Variants in FAT3 observed in about 807,000 individuals in gnomAD.
FAT3 encodes the protein protocadherin Fat 3.
FAT3 carries 95 observed loss-of-function variants against 310.2 expected under a neutral mutation model. The observed-to-expected ratio is 0.31, with a 90% CI of 0.26 to 0.36. The LOEUF is 0.36. FAT3 is among the 10% of genes least tolerant of loss of function. FAT3 has a pLI of 1.00. For missense variants in FAT3, 5,408 were observed against 5,715.6 expected, an observed-to-expected ratio of 0.95 and a Z score of 1.74; for synonymous variants, 2,314 against 2,192.9, an observed-to-expected ratio of 1.06 and a Z score of -1.54.
rs113257842 is a variant in FAT3, at chr11:92,829,998, G to GA, written c.9482-1614dup. Among the ~76,000 whole-genome samples the GA allele has an allele frequency of 1.4e-3, 216 of 149,104 alleles. No homozygotes were observed. In the Middle Eastern group the frequency reaches 0.017, roughly 12 times the overall value. On this transcript the variant is annotated intron_variant, in intron 13 of 27. Coordinates refer to ENST00000525166, the MANE Select transcript of FAT3 (RefSeq NM_001367949.2). ...ATTGCCAAATGAGGTGTTATAATAA[G>GA]AAAAAAAAAATGTCTAAGCCCTCCC...
intron 3 of FAT3, among the ~76,000 whole-genome samples, chr11:92,604,296 T>C (rs1456469161): frequency 1.3e-5 from 2 of 152,240 alleles, no homozygotes; most frequent in African/African-American, 4.8e-5. Context: ...TTTTCTTCTT[T>C]TTAATTATGA....
At chr11:92,626,366 G>T (rs567287) in intron 3 of FAT3, among the ~76,000 whole-genome samples, 87,088 of 151,976 alleles carry the variant, frequency 0.57, 26,707 homozygotes, top group African/African-American at 0.8. Context: ...CTTTTTAGGT[G>T]AGAGAGATCC....
chr11:92,436,342 A>G (rs4459255), intron 2 of FAT3, among the ~76,000 whole-genome samples: 8,196 of 151,722 alleles, frequency 0.054, 467 homozygotes, highest in African/African-American at 0.14. Context: ...GGGTTTTGCT[A>G]TGTTTCCCAA....
At chr11:92,877,101 A>C (rs1177613329) in intron 22 of FAT3, among the ~76,000 whole-genome samples, 1 of 152,310 alleles carries the variant, frequency 6.6e-6, no homozygotes, top group South Asian at 2.1e-4. Context: ...GAAGTAGACA[A>C]CACCAACACA....
chr11:92,689,460 G>A (rs943983055), intron 3 of FAT3, among the ~76,000 whole-genome samples: 1 of 152,172 alleles, frequency 6.6e-6, no homozygotes, highest in African/African-American at 2.4e-5. Flanking sequence ...CTTAGTATTG[G>A]TTCGCCATCT....
chr11:92,685,408 A>G (rs1002318990), intron 3 of FAT3, among the ~76,000 whole-genome samples: 2 of 152,208 alleles, frequency 1.3e-5, no homozygotes, highest in South Asian at 2.1e-4. Flanking sequence ...ATCGCAGCAC[A>G]TAATTCGTTC....
At chr11:92,707,135 G>A (rs189088647) in intron 4 of FAT3, among the ~76,000 whole-genome samples, 1 of 152,336 alleles carries the variant, frequency 6.6e-6, no homozygotes, top group Admixed American at 6.5e-5. Context: ...TTACCTGTTT[G>A]TGAAAGGTTG....
At chr11:92,820,346 A>G (rs941535871) in intron 13 of FAT3, among the ~76,000 whole-genome samples, 2 of 152,060 alleles carry the variant, frequency 1.3e-5, no homozygotes, top group African/African-American at 2.4e-5. Flanking sequence ...TTCTCTTCTT[A>G]TGGGTCACTA....
At chr11:92,512,627 A>G (rs996019719) in intron 2 of FAT3, among the ~76,000 whole-genome samples, 1 of 147,028 alleles carries the variant, frequency 6.8e-6, no homozygotes, top group African/African-American at 2.5e-5. Context: ...AAATATATAT[A>G]TTTAAAATAT....
At chr11:92,631,022 G>A (rs904900121) in intron 3 of FAT3, among the ~76,000 whole-genome samples, 6 of 152,288 alleles carry the variant, frequency 3.9e-5, no homozygotes, top group African/African-American at 1.2e-4. Context: ...TGAATTGCCA[G>A]CAACCATATT....
In FAT3 at chr11:92,617,688, G is replaced by A. The variant is rs557718366; in HGVS notation, c.3608-79696G>A. On this transcript the variant is annotated intron_variant, in intron 3 of 27. Coordinates refer to ENST00000525166, the MANE Select transcript of FAT3 (RefSeq NM_001367949.2). Reference sequence around the variant, plus strand: ...GTGTGGATGTCCTTTCTGTTTGTTAGTTTTCCTTCTAACTGTCAGGACCTT... The same window carrying A: ...GTGTGGATGTCCTTTCTGTTTGTTAATTTTCCTTCTAACTGTCAGGACCTT... Among the ~76,000 whole-genome samples the A allele has an allele frequency of 1.1e-4, 16 of 152,294 alleles. No homozygotes were observed. In the East Asian group the frequency reaches 3.1e-3, roughly 29 times the overall value.
chr11:92,706,751 C>T (rs953786161), intron 4 of FAT3, among the ~76,000 whole-genome samples: 5 of 152,182 alleles, frequency 3.3e-5, no homozygotes, highest in Non-Finnish European at 7.3e-5. Context: ...CTTCCCTTCA[C>T]CTCATGTCTT....
At chr11:92,874,533 C>T (rs1389976770) in intron 22 of FAT3, among the ~76,000 whole-genome samples, 1 of 152,144 alleles carries the variant, frequency 6.6e-6, no homozygotes, top group Non-Finnish European at 1.5e-5. Context: ...CAAGTTTAAA[C>T]TCAATCTCTT....
At chr11:92,546,990 C>A (rs148235189) in intron 3 of FAT3, among the ~76,000 whole-genome samples, 2 of 152,150 alleles carry the variant, frequency 1.3e-5, no homozygotes, top group African/African-American at 4.8e-5. Flanking sequence ...TTAGGTGAGA[C>A]GATTCACATA....
At chr11:92,442,150 G>C (rs1369537831) in intron 2 of FAT3, among the ~76,000 whole-genome samples, 6 of 95,306 alleles carry the variant, frequency 6.3e-5, no homozygotes, top group Non-Finnish European at 1.1e-4. Flanking sequence ...GTCTCTCTCT[G>C]TTGCCCAGGC....
intron 1 of FAT3, among the ~76,000 whole-genome samples, chr11:92,286,674 A>G (rs774272490): frequency 6.6e-6 from 1 of 152,186 alleles, no homozygotes; most frequent in Non-Finnish European, 1.5e-5. Context: ...TTACCATAGG[A>G]TAGCATAGAA....
chr11:92,824,679 G>A (rs905254971), intron 13 of FAT3, among the ~76,000 whole-genome samples: 1 of 151,890 alleles, frequency 6.6e-6, no homozygotes, highest in African/African-American at 2.4e-5. Context: ...CAAACATAGT[G>A]TGTGTTTACA....
At chr11:92,807,821 C>G (rs1392248804) in intron 12 of FAT3, among the ~76,000 whole-genome samples, 1 of 152,158 alleles carries the variant, frequency 6.6e-6, no homozygotes, top group Non-Finnish European at 1.5e-5. Context: ...AAGGCCAGAG[C>G]TAATGGAAAA....
At chr11:92,597,450 C>T (rs1939769194) in intron 3 of FAT3, among the ~76,000 whole-genome samples, 1 of 152,152 alleles carries the variant, frequency 6.6e-6, no homozygotes, top group Non-Finnish European at 1.5e-5. Context: ...TGGCTCCAGC[C>T]AAGCTCTACC....
Sources: allele counts gnomAD v4.1 joint callset (sites outside exome capture counted in the v4.1 genomes callset), GRCh38; gene constraint gnomAD v4.1.1; transcripts MANE v1.5; gene names NCBI Gene and HGNC (gene_info 2026-07-23, HGNC 2026-07-21).